Variants in CYFIP2 observed in about 807,000 individuals in gnomAD.
CYFIP2 encodes the protein cytoplasmic FMR1 interacting protein 2, also known as cytoplasmic FMR1-interacting protein 2.
CYFIP2 carries 29 observed loss-of-function variants against 158.7 expected under a neutral mutation model. That is an observed-to-expected ratio of 0.18 (90% confidence interval 0.14 to 0.25). CYFIP2 has a LOEUF of 0.25. Among genes scored for constraint, CYFIP2 ranks in the 10% least tolerant of loss-of-function variants. CYFIP2 has a pLI of 1.00. For missense variants in CYFIP2, 852 were observed against 1,639.5 expected (o/e 0.52, Z 8.29); for synonymous variants, 585 against 617.6 (o/e 0.95, Z 0.78).
intron 30 of CYFIP2, among the ~76,000 whole-genome samples, chr5:157,392,414 T>TAA (rs1767396664): frequency 2.6e-5 from 4 of 152,232 alleles, no homozygotes; most frequent in Admixed American, 1.3e-4. Flanking sequence ...TGGTATAAGG[T>TAA]AAGCGTCCAT....
At chr5:157,348,574 G>A (rs637694) in intron 23 of CYFIP2, among the ~76,000 whole-genome samples, 1 of 152,122 alleles carries the variant, frequency 6.6e-6, no homozygotes, top group Non-Finnish European at 1.5e-5. Flanking sequence ...ACCATGCCCA[G>A]CTAATTTTTG....
chr5:157,311,588 C>T lies in CYFIP2; in HGVS notation c.993-76C>T. 1 of 1,356,006 alleles carries T rather than the reference C, an allele frequency of 7.4e-7. No homozygotes were observed. Among genetic ancestry groups the T allele is most frequent in the Non-Finnish European group, 1.0e-6 (1 of 983,842 alleles). The allele number at this position is 1,356,006 out of a possible 1,614,324, so 84.0% of individuals were successfully genotyped here. A position where few individuals can be genotyped will look rare whatever the true frequency, so the allele number is the denominator to read the frequency against. On this transcript the variant is annotated intron_variant, in intron 10 of 30. Coordinates refer to ENST00000620254, the MANE Select transcript of CYFIP2 (RefSeq NM_001037333.3). The surrounding 1 kb of genome is among the most constrained non-coding windows in gnomAD (Gnocchi z 4.7). Reference sequence around the variant, plus strand: ...GGGAGTTGGCCACGTGGGCTGAGCACCAGGAGCAGCTAATGCCTGTTCCAC... The same window carrying T: ...GGGAGTTGGCCACGTGGGCTGAGCATCAGGAGCAGCTAATGCCTGTTCCAC...
At chr5:157,310,899 G>A (rs1257337236) in intron 10 of CYFIP2, 3 of 430,958 alleles carry the variant, frequency 7.0e-6, no homozygotes, top group Non-Finnish European at 1.4e-5. Flanking sequence ...TGTCTGCTGG[G>A]TCACCAGCAC....
intron 6 of CYFIP2, among the ~76,000 whole-genome samples, chr5:157,301,754 C>A (rs1350526920): frequency 6.6e-6 from 1 of 152,066 alleles, no homozygotes; most frequent in Non-Finnish European, 1.5e-5. Context: ...CATAATGAGA[C>A]CCCGTCTCTT....
intron 23 of CYFIP2, chr5:157,341,741 A>G (rs191449483): frequency 6.3e-6 from 1 of 157,758 alleles, no homozygotes; most frequent in East Asian, 1.9e-4. Flanking sequence ...GCTGTTTCTT[A>G]GTTGATTCAC....
chr5:157,389,463 A>G (rs747244339), intron 29 of CYFIP2, 36 bp downstream of exon 29: 2 of 1,495,020 alleles, frequency 1.3e-6, no homozygotes, highest in South Asian at 2.6e-5. Flanking sequence ...GTTACCCCCA[A>G]CCTGCCTGTG....
Position 157,326,337 on chromosome 5 carries a change from T to A in CYFIP2, c.2079+70T>A. 14 of 1,313,034 alleles carry A rather than the reference T, an allele frequency of 1.1e-5. No homozygotes were observed. In the South Asian group the frequency reaches 1.4e-4, roughly 13 times the overall value. The allele number at this position is 1,313,034 out of a possible 1,614,324, so 81.3% of individuals were successfully genotyped here. ...ATTCCGGACTTTTCCAGTCTTTTGCTATTAGCATGAAGTAGGAGTATCAGT... is the reference window on the plus strand; with the variant it reads ...ATTCCGGACTTTTCCAGTCTTTTGCAATTAGCATGAAGTAGGAGTATCAGT... On this transcript the variant is annotated intron_variant, in intron 18 of 30. Transcript: ENST00000620254.
intron 21 of CYFIP2, among the ~76,000 whole-genome samples, chr5:157,337,425 C>G (rs1014808686): frequency 5.9e-5 from 9 of 152,220 alleles, no homozygotes; most frequent in Non-Finnish European, 1.2e-4. Flanking sequence ...CAGGGACATC[C>G]AATTTGCCAT....
intron 13 of CYFIP2, among the ~76,000 whole-genome samples, chr5:157,317,573 C>G (rs1760251184): frequency 6.6e-6 from 1 of 152,160 alleles, no homozygotes; most frequent in Admixed American, 6.5e-5. Context: ...TTTCCTTCCC[C>G]CATCTTCCCA....
intron 28 of CYFIP2, 145 bp from the exon 29 acceptor site, chr5:157,389,044 A>G (rs1330653160): frequency 1.1e-5 from 7 of 639,860 alleles, no homozygotes; most frequent in Non-Finnish European, 1.8e-5. Context: ...CAGGATCATC[A>G]ATTTTGTGCC....
At chr5:157,363,835 G>A (rs1764081544) in intron 26 of CYFIP2, 4 of 152,334 alleles carry the variant, frequency 2.6e-5, no homozygotes, top group Admixed American at 6.5e-5. Flanking sequence ...AAGGTAGAGA[G>A]ATAATGGAGC....
intron 1 of CYFIP2, chr5:157,271,447 G>A (rs964200120): frequency 7.2e-5 from 11 of 152,604 alleles, no homozygotes; most frequent in Non-Finnish European, 1.3e-4. Flanking sequence ...GAACACATCA[G>A]CCCCCACAGC....
At chr5:157,349,436 C>T (rs1762923956) in intron 23 of CYFIP2, among the ~76,000 whole-genome samples, 1 of 152,232 alleles carries the variant, frequency 6.6e-6, no homozygotes, top group African/African-American at 2.4e-5. Flanking sequence ...CAGGTTGCTG[C>T]AAATGCCGTT....
chr5:157,307,912 G>A (rs1164034328), intron 9 of CYFIP2, 47 bp downstream of exon 9: 20 of 1,082,794 alleles, frequency 1.8e-5, no homozygotes, highest in African/African-American at 4.7e-5. Context: ...GGTTACCAGC[G>A]CCAAGATGTC....
chr5:157,309,172 G>A (rs1759495199), intron 9 of CYFIP2, among the ~76,000 whole-genome samples: 1 of 152,194 alleles, frequency 6.6e-6, no homozygotes, highest in African/African-American at 2.4e-5. Context: ...TGTGTGGCTT[G>A]AGATACTGTT....
At chr5:157,386,927 TAAAAAAA>T (rs554742130) in intron 28 of CYFIP2, among the ~76,000 whole-genome samples, 1 of 132,474 alleles carries the variant, frequency 7.5e-6, no homozygotes, top group African/African-American at 2.8e-5. Flanking sequence ...CTCGAAGATT[TAAAAAAA>T]AAAAAAAAAA....
At chr5:157,323,024 A>T in intron 15 of CYFIP2, 1 of 1,535,864 alleles carries the variant, frequency 6.5e-7, no homozygotes, top group Non-Finnish European at 8.7e-7. Flanking sequence ...CTGGTATCAC[A>T]CCGCCTGGCT....
At chr5:157,294,683 G>T in intron 3 of CYFIP2, 100 bp from the exon 4 acceptor site, 1 of 849,338 alleles carries the variant, frequency 1.2e-6, no homozygotes, top group Non-Finnish European at 1.9e-6. Context: ...CCATGCTGTG[G>T]GTCCATGGAC....
chr5:157,355,748 A>G (rs1287876887), intron 23 of CYFIP2, among the ~76,000 whole-genome samples: 1 of 152,250 alleles, frequency 6.6e-6, no homozygotes. Flanking sequence ...AAAAGGGGAC[A>G]AACGAGAATG....
Sources: allele counts gnomAD v4.1 joint callset (sites outside exome capture counted in the v4.1 genomes callset), GRCh38; gene constraint gnomAD v4.1.1; non-coding constraint Gnocchi (gnomAD v3.1); transcripts MANE v1.5; gene names NCBI Gene and HGNC (gene_info 2026-07-23, HGNC 2026-07-21).